The following TAAR5 variants were observed in gnomAD, a reference collection of about 807,000 sequenced individuals.
TAAR5 encodes the protein trace amine-associated receptor 5.
A neutral mutation model predicts 21.1 loss-of-function variants in TAAR5; 27 were observed. The observed-to-expected ratio is 1.28, with a 90% CI of 0.94 to 1.76. The LOEUF is 1.76. Among genes scored for constraint, TAAR5 ranks in the 40% most tolerant of loss-of-function variants. The probability of loss-of-function intolerance (pLI) is 0.00; values close to 1 mark genes in which losing one functional copy is unlikely to be tolerated. For synonymous variants in TAAR5, 203 were observed against 167.5 expected (o/e 1.21, Z -1.64); for missense variants, 495 against 405.6 (o/e 1.22, Z -1.89).
upstream of TAAR5, among the ~76,000 whole-genome samples, chr6:132,593,974 C>T (rs1325863530): frequency 6.6e-6 from 1 of 152,200 alleles, no homozygotes; most frequent in East Asian, 1.9e-4. Context: ...TCCCACTTCC[C>T]TAACAAGCAA....
At chr6:132,601,017 G>T in the TAAR5 span, among the ~76,000 whole-genome samples, 5 of 32,192 alleles carry the variant, frequency 1.6e-4, no homozygotes, top group Non-Finnish European at 2.2e-4. Flanking sequence ...AGGAAGGAAG[G>T]GGGGAAGGAG....
the TAAR5 span, among the ~76,000 whole-genome samples, chr6:132,615,707 T>C: frequency 0.043 from 6,599 of 152,142 alleles, 257 homozygotes; most frequent in African/African-American, 0.093. Context: ...AGGGTGATTA[T>C]GTTTTGAAAC....
chr6:132,611,787 A>G, the TAAR5 span, among the ~76,000 whole-genome samples: 10 of 152,202 alleles, frequency 6.6e-5, no homozygotes, highest in Admixed American at 3.9e-4. Context: ...TCAGGGGAAA[A>G]GAATGTCACA....
Position 132,589,632 on chromosome 6 carries a change from G to A in TAAR5, c.55C>T (p.Gln19Ter), listed in dbSNP as rs775640625. 7 of 1,612,452 alleles carry A rather than the reference G, an allele frequency of 4.3e-6. No homozygotes were observed. Among genetic ancestry groups the A allele is most frequent in the East Asian group, 2.2e-5 (1 of 44,764 alleles). ...AEEHPAAFCY[Q>*]VNGSCPRTVH... is the part of the protein sequence containing the mutation. ...GTCCTGGGGCAAGACCCATTCACCT[G>A]GTAGCAGAATGCCGCAGGGTGCTCT... Residue 19 changes from glutamine (Q) to a stop codon, truncating the protein, a stop_gained, in exon 1 of 1, where the codon CAG becomes TAG. Transcript: ENST00000258034. LOFTEE classifies it high-confidence loss of function.
chr6:132,600,809 GAA>G, the TAAR5 span, among the ~76,000 whole-genome samples: 3 of 141,534 alleles, frequency 2.1e-5, no homozygotes, highest in South Asian at 2.4e-4. Context: ...AGGAAGGAAG[GAA>G]GGAAGGAGGG....
At chr6:132,598,921 C>A in the TAAR5 span, among the ~76,000 whole-genome samples, 1 of 151,136 alleles carries the variant, frequency 6.6e-6, no homozygotes, top group African/African-American at 2.5e-5. Context: ...ACAACCCATG[C>A]TCCGTCCACT....
the TAAR5 span, among the ~76,000 whole-genome samples, chr6:132,600,108 G>C: frequency 6.6e-6 from 1 of 152,094 alleles, no homozygotes; most frequent in Non-Finnish European, 1.5e-5. Flanking sequence ...CACAGAACAG[G>C]GGCCCCTCAG....
At chr6:132,609,813 T>A in the TAAR5 span, among the ~76,000 whole-genome samples, 59 of 152,336 alleles carry the variant, frequency 3.9e-4, no homozygotes, top group African/African-American at 1.4e-3. Flanking sequence ...TTAAGAGTTA[T>A]AAATGGCATA....
At position 132,588,951 on chromosome 6, in the gene TAAR5, G is replaced by C; in HGVS notation, c.736C>G (p.His246Asp). The change falls in exon 1 of 1, where the codon CAT (histidine) becomes GAT (aspartate). Residue 246 changes from histidine to aspartate, a missense_variant. His to Asp is a moderately conservative substitution (Grantham distance 81). Coordinates refer to ENST00000258034, the MANE Select transcript of TAAR5 (RefSeq NM_003967.3). ...LSKSLAGAAK[H>D]ERKAAKTLGI... Reference sequence around the variant, plus strand: ...AGGGTCTTGGCAGCTTTTCTCTCATGCTTGGCAGCCCCAGCCAGGCTTTTG... The same window carrying C: ...AGGGTCTTGGCAGCTTTTCTCTCATCCTTGGCAGCCCCAGCCAGGCTTTTG... The C allele has an allele frequency of 6.2e-7, 1 of 1,614,084 alleles. No homozygotes were observed. Among genetic ancestry groups the C allele is most frequent in the Non-Finnish European group, 8.5e-7 (1 of 1,179,980 alleles).
chr6:132,600,424 C>A, the TAAR5 span, among the ~76,000 whole-genome samples: 2 of 152,090 alleles, frequency 1.3e-5, no homozygotes, highest in Non-Finnish European at 2.9e-5. Flanking sequence ...AAGATGACTC[C>A]TCAATGCTCT....
At chr6:132,610,014 G>T in the TAAR5 span, among the ~76,000 whole-genome samples, 22 of 151,864 alleles carry the variant, frequency 1.4e-4, no homozygotes, top group African/African-American at 5.3e-4. Context: ...TAGCTTCTCT[G>T]AGATTCTAAC....
At chr6:132,593,045 C>T (rs139755071), upstream of TAAR5, among the ~76,000 whole-genome samples, 145 of 152,288 alleles carry the variant, frequency 9.5e-4, no homozygotes, top group Admixed American at 2.0e-3. Context: ...AACTTGCTTC[C>T]TCATGCCGAT....
chr6:132,591,919 T>C (rs569813981), upstream of TAAR5, among the ~76,000 whole-genome samples: 6 of 152,206 alleles, frequency 3.9e-5, no homozygotes, highest in African/African-American at 1.4e-4. Context: ...TATTAATGAG[T>C]TAAAATTCAT....
At chr6:132,608,497 A>ACCCCAAGGCAACCAGCAAG in the TAAR5 span, 611 of 455,928 alleles carry the variant, frequency 1.3e-3, 7 homozygotes, top group African/African-American at 0.011. Context: ...CACCCCCATT[A>ACCCCAAGGCAACCAGCAAG]CTATACCCAG....
chr6:132,610,598 G>A, the TAAR5 span, among the ~76,000 whole-genome samples: 7 of 152,040 alleles, frequency 4.6e-5, no homozygotes, highest in Non-Finnish European at 7.4e-5. Context: ...AAGTCACCTC[G>A]TTGTGATAAA....
At chr6:132,603,533 G>A in the TAAR5 span, among the ~76,000 whole-genome samples, 214 of 148,832 alleles carry the variant, frequency 1.4e-3, no homozygotes, top group African/African-American at 5.1e-3. Flanking sequence ...AATCAATATC[G>A]CTTGTATTCA....
the TAAR5 span, among the ~76,000 whole-genome samples, chr6:132,613,645 A>G: frequency 6.6e-6 from 1 of 152,246 alleles, no homozygotes; most frequent in Non-Finnish European, 1.5e-5. Context: ...GCAATGCAAT[A>G]TATCATGGAG....
chr6:132,589,204 C>T lies in TAAR5; in HGVS notation c.483G>A (p.Val161=), dbSNP rs1776863096. The change falls in exon 1 of 1, where the codon GTG becomes GTA. Residue 161 remains valine, a synonymous_variant. Transcript: ENST00000258034. ...ALRYILAGWG[V]PAAYTSLFLY... is the part of the protein sequence containing the mutation. ...GGAATAACGAAGTGTATGCTGCGGGCACCCCCCATCCTGCCAGGATGTACC... is the reference window on the plus strand; with the variant it reads ...GGAATAACGAAGTGTATGCTGCGGGTACCCCCCATCCTGCCAGGATGTACC... 2.5e-6 allele frequency: 4 copies of T among 1,604,674 alleles called. No homozygotes were observed. The highest frequency in any genetic ancestry group is 3.4e-6 in the Non-Finnish European group (4 of 1,175,350).
At position 132,589,630 on chromosome 6, in the gene TAAR5, C is replaced by T. The variant is rs1278183147; in HGVS notation, c.57G>A (p.Gln19=). Residue 19 remains glutamine, a synonymous_variant, in exon 1 of 1, where the codon CAG becomes CAA. Transcript: ENST00000258034. Reference sequence around the variant, plus strand: ...CTGTCCTGGGGCAAGACCCATTCACCTGGTAGCAGAATGCCGCAGGGTGCT... The same window carrying T: ...CTGTCCTGGGGCAAGACCCATTCACTTGGTAGCAGAATGCCGCAGGGTGCT... The part of the protein sequence containing the change: ...AEEHPAAFCY[Q]VNGSCPRTVH... 1.9e-6 allele frequency: 3 copies of T among 1,613,016 alleles called. No individual in the cohort carries two copies. The highest frequency in any genetic ancestry group is 4.5e-5 in the East Asian group (2 of 44,808).
Sources: allele counts gnomAD v4.1 joint callset (sites outside exome capture counted in the v4.1 genomes callset), GRCh38; gene constraint gnomAD v4.1.1; transcripts MANE v1.5; gene names NCBI Gene and HGNC (gene_info 2026-07-23, HGNC 2026-07-21).